Variants in APEH observed in about 807,000 individuals in gnomAD.
APEH encodes acylamino-acid-releasing enzyme.
In APEH, 75 loss-of-function variants were observed where a neutral mutation model predicts 102.7. The observed-to-expected ratio is 0.73, with a 90% CI of 0.61 to 0.89. The LOEUF is 0.89. Ranked by LOEUF, APEH falls within the 40% of genes least tolerant of loss-of-function variation. The probability of loss-of-function intolerance (pLI) is 0.00; values close to 1 mark genes in which losing one functional copy is unlikely to be tolerated. For synonymous variants in APEH, 344 were observed against 362.7 expected (o/e 0.95, Z 0.59); for missense variants, 863 against 941.2 (o/e 0.92, Z 1.09).
At position 49,683,687 on chromosome 3, in the gene APEH, C is replaced by T. The variant is rs2053460580; in HGVS notation, c.*345C>T. On this transcript the variant is annotated 3_prime_UTR_variant, in exon 22 of 22. Coordinates refer to ENST00000296456, the MANE Select transcript of APEH (RefSeq NM_001640.4). ...CCTGGCAACCAGGACTCTGTACCAG[C>T]CTAGCTTCCCTGCTGCAGCCCCTTC... 6 of 457,574 alleles carry T rather than the reference C, an allele frequency of 1.3e-5. No individual in the cohort carries two copies. Among genetic ancestry groups the T allele is most frequent in the Non-Finnish European group, 2.4e-5 (6 of 252,014 alleles). The allele number at this position is 457,574 out of a possible 1,614,324, so 28.3% of individuals were successfully genotyped here.
chr3:49,681,781 G>T lies in APEH; in HGVS notation c.1498G>T (p.Val500Leu). The change falls in exon 16 of 22, where the codon GTG (valine) becomes TTG (leucine). Residue 500 changes from valine to leucine, a missense_variant. Coordinates refer to ENST00000296456, the MANE Select transcript of APEH (RefSeq NM_001640.4). Reference sequence around the variant, plus strand: ...TGGCAGCCCTCCAGATAAGACCCAAGTGCCCATGGTGGTCATGCCCCACGG... The same window carrying T: ...TGGCAGCCCTCCAGATAAGACCCAATTGCCCATGGTGGTCATGCCCCACGG... ...QPGSPPDKTQ[V>L]PMVVMPHGGP... The T allele has an allele frequency of 6.2e-7, 1 of 1,611,232 alleles. No individual in the cohort carries two copies. The highest frequency in any genetic ancestry group is 8.5e-7 in the Non-Finnish European group (1 of 1,178,152).
chr3:49,676,120 G>C lies in APEH; in HGVS notation c.507G>C (p.Lys169Asn). 13 of 1,614,236 alleles carry C rather than the reference G, an allele frequency of 8.1e-6. No individual in the cohort carries two copies. Among genetic ancestry groups the C allele is most frequent in the Non-Finnish European group, 1.0e-5 (12 of 1,180,042 alleles). The change falls in exon 6 of 22, where the codon AAG (lysine) becomes AAC (asparagine). Residue 169 changes from lysine (K) to asparagine (N), a missense_variant. Lys to Asn is a moderately conservative substitution (Grantham distance 94, BLOSUM62 0). Coordinates refer to ENST00000296456, the MANE Select transcript of APEH (RefSeq NM_001640.4). Reference sequence around the variant, plus strand: ...ACTTGTTGTATGTGGCAGAGAAGAAGCGCCCCAAGGCCGAGTCCTTCTTTC... The same window carrying C: ...ACTTGTTGTATGTGGCAGAGAAGAACCGCCCCAAGGCCGAGTCCTTCTTTC... Reference protein sequence around the residue: ...ETHLLYVAEKKRPKAESFFQT... With the variant: ...ETHLLYVAEKNRPKAESFFQT...
At chr3:49,675,431 C>A in intron 3 of APEH, 122 bp downstream of exon 3, 2 of 1,400,500 alleles carry the variant, frequency 1.4e-6, no homozygotes, top group South Asian at 1.4e-5. Flanking sequence ...CCCTTGGGAG[C>A]TCATTCAGTT....
chr3:49,676,447 G>T lies in APEH; in HGVS notation c.676G>T (p.Val226Leu). Residue 226 changes from valine to leucine, a missense_variant, in exon 7 of 22, where the codon GTG becomes TTG. Transcript: ENST00000296456. ...MVSKSIPVLC[V>L]LDVESGNISV... ...TTCCAAAAGCATCCCTGTGCTCTGC[G>T]TGCTGGATGTCGAGAGTGGCAACAT... The T allele has an allele frequency of 6.2e-7, 1 of 1,614,234 alleles. No homozygotes were observed. The highest frequency in any genetic ancestry group is 1.1e-5 in the South Asian group (1 of 91,088).
Position 49,683,827 on chromosome 3 carries a change from T to G in APEH, c.*485T>G. On this transcript the variant is annotated 3_prime_UTR_variant, in exon 22 of 22. Transcript: ENST00000296456. ...AGTAGTCCCAGGGACATTGCCTTGG[T>G]TGGGGAAGCCCCTAGGCTGGACAGA... The G allele has an allele frequency of 1.3e-6, 1 of 751,654 alleles. No homozygotes were observed. Among genetic ancestry groups the G allele is most frequent in the Non-Finnish European group, 2.1e-6 (1 of 475,200 alleles). The allele number at this position is 751,654 out of a possible 1,614,324, so 46.6% of individuals were successfully genotyped here.
chr3:49,674,497 G>T lies in APEH; in HGVS notation c.21G>T (p.Leu7=). The part of the protein sequence containing the change: MERQVL[L]SEPEEAAALY... Reference sequence around the variant, plus strand: ...GTGTGTCCCCTGCGCAGGTGCTGCTGAGCGAGCCCGAGGAGGCGGCGGCTC... The same window carrying T: ...GTGTGTCCCCTGCGCAGGTGCTGCTTAGCGAGCCCGAGGAGGCGGCGGCTC... The change falls in exon 2 of 22, where the codon CTG becomes CTT. Residue 7 remains leucine, a synonymous_variant. Coordinates refer to ENST00000296456, the MANE Select transcript of APEH (RefSeq NM_001640.4). 6.4e-7 allele frequency: 1 copy of T among 1,569,174 alleles called. No homozygotes were observed.
intron 3 of APEH, 150 bp from the exon 4 acceptor site, chr3:49,675,544 C>T: frequency 5.1e-6 from 5 of 975,906 alleles, no homozygotes; most frequent in South Asian, 3.1e-5. Flanking sequence ...GTCTCTGCCT[C>T]AGGGAGGAAA....
intron 17 of APEH, 69 bp from the exon 18 acceptor site, chr3:49,682,279 T>C: frequency 1.4e-6 from 2 of 1,441,146 alleles, no homozygotes; most frequent in Non-Finnish European, 1.9e-6. Flanking sequence ...TTCACAGATG[T>C]GTGAAAAGAG....
At chr3:49,678,831 T>C (rs2108122830) in intron 11 of APEH, 21 bp from the exon 12 acceptor site, 1 of 1,592,770 alleles carries the variant, frequency 6.3e-7, no homozygotes, top group Admixed American at 1.7e-5. Context: ...GGATGCAGCC[T>C]CAGCCCTCCT....
chr3:49,683,453 G>C lies in APEH; in HGVS notation c.*111G>C. On this transcript the variant is annotated 3_prime_UTR_variant, in exon 22 of 22. Coordinates refer to ENST00000296456, the MANE Select transcript of APEH (RefSeq NM_001640.4). ...TTTCTGGGCTCTGGACTCCACGGAT[G>C]CGTGGGCAGAGGAATGTGGGCTATG... 1 of 896,636 alleles carries C rather than the reference G, an allele frequency of 1.1e-6. No individual in the cohort carries two copies. Among genetic ancestry groups the C allele is most frequent in the Admixed American group, 1.9e-5 (1 of 52,520 alleles). The allele number at this position is 896,636 out of a possible 1,614,324, so 55.5% of individuals were successfully genotyped here.
rs1414982334 is a variant in APEH, at chr3:49,683,518, G to C, written c.*176G>C. The C allele has an allele frequency of 1.6e-6, 1 of 618,480 alleles. No individual in the cohort carries two copies. Among genetic ancestry groups the C allele is most frequent in the African/African-American group, 1.8e-5 (1 of 54,366 alleles). The allele number at this position is 618,480 out of a possible 1,614,324, so 38.3% of individuals were successfully genotyped here. A position where few individuals can be genotyped will look rare whatever the true frequency, so the allele number is the denominator to read the frequency against. On this transcript the variant is annotated 3_prime_UTR_variant, in exon 22 of 22. Transcript: ENST00000296456. ...TAGGACACAGAGCCTGGTTCCTGCT[G>C]GTACTTTGTACCAAACCATCCCCAA...
rs1361495309 is a variant in APEH at position 49,678,870 on chromosome 3, A to G, written c.1079A>G (p.Tyr360Cys). 3 of 1,613,622 alleles carry G rather than the reference A, an allele frequency of 1.9e-6. No individual in the cohort carries two copies. Among genetic ancestry groups the G allele is most frequent in the East Asian group, 2.2e-5 (1 of 44,858 alleles). Residue 360 changes from tyrosine to cysteine, a missense_variant, in exon 12 of 22, where the codon TAC (tyrosine) becomes TGC (cysteine). Coordinates refer to ENST00000296456, the MANE Select transcript of APEH (RefSeq NM_001640.4). ...TTTACAGAGAACTTCTCTGGGATCTACTGCAGCCTTCTGCCTTTGGGATGC... is the reference window on the plus strand; with the variant it reads ...TTTACAGAGAACTTCTCTGGGATCTGCTGCAGCCTTCTGCCTTTGGGATGC... Reference protein sequence around the residue: ...RQLGENFSGIYCSLLPLGCWS... With the variant: ...RQLGENFSGICCSLLPLGCWS...
chr3:49,677,628 T>C lies in APEH; in HGVS notation c.1055T>C (p.Leu352Pro), dbSNP rs1355162503. The C allele has an allele frequency of 6.2e-7, 1 of 1,613,518 alleles. No homozygotes were observed. The highest frequency in any genetic ancestry group is 1.7e-5 in the Admixed American group (1 of 59,998). The stretch of plus-strand genomic sequence containing the variant: ...GTGGTAGATGTTGTGCCTCGGCAGC[T>C]GGGAGGTAAGGCATACCTGGCTGGG... The part of the protein sequence containing the change: ...SVVVDVVPRQ[L>P]GENFSGIYCS... The change falls in exon 11 of 22, where the codon CTG becomes CCG. Residue 352 changes from leucine (L) to proline (P), a missense_variant. Leu to Pro is a moderately conservative substitution (Grantham distance 98). Transcript: ENST00000296456.
At position 49,677,610 on chromosome 3, in the gene APEH, ATGT is replaced by A. The variant is rs769786627; in HGVS notation, c.1041_1043del (p.Val348del). ...ACCAAGGTTACCTCAGTGGTGGTAGATGTTGTGCCTCGGCAGCTGGGAGGTAAG... is the reference window on the plus strand; with the variant it reads ...ACCAAGGTTACCTCAGTGGTGGTAGATGTGCCTCGGCAGCTGGGAGGTAAG... On this transcript the variant is annotated inframe_deletion, in exon 11 of 22. Transcript: ENST00000296456. 6.4e-5 allele frequency: 103 copies of A among 1,613,778 alleles called. No homozygotes were observed. The highest frequency in any genetic ancestry group is 8.3e-5 in the Non-Finnish European group (98 of 1,179,878).
chr3:49,677,166 C>A, intron 10 of APEH, 142 bp downstream of exon 10: 1 of 1,264,626 alleles, frequency 7.9e-7, no homozygotes, highest in Non-Finnish European at 1.1e-6. Context: ...GTGAGTTCTG[C>A]CTGTCCTCTC....
At position 49,674,699 on chromosome 3, in the gene APEH, T is replaced by A. The variant is rs955560220; in HGVS notation, c.145+78T>A. The A allele has an allele frequency of 3.8e-5, 58 of 1,534,038 alleles. 1 individual carries two copies. In the African/African-American group the frequency reaches 6.2e-4, roughly 16 times the overall value. On this transcript the variant is annotated intron_variant, in intron 2 of 21. Coordinates refer to ENST00000296456, the MANE Select transcript of APEH (RefSeq NM_001640.4). ...AAGGAAGGGGGTGTGGAGGGCTCGC[T>A]GCTTGACAGTGCGTAAGGGTATATA... is the stretch of plus-strand genomic sequence containing the variant.
chr3:49,673,403 G>C (rs1252753383), upstream of APEH, among the ~76,000 whole-genome samples: 1 of 152,098 alleles, frequency 6.6e-6, no homozygotes, highest in Admixed American at 6.6e-5. Flanking sequence ...TGGAGTCTGA[G>C]CCCACCAGGC....
At chr3:49,681,556 C>T (rs1163837190) in intron 15 of APEH, among the ~76,000 whole-genome samples, 166 bp from the exon 16 acceptor site, 4 of 152,232 alleles carry the variant, frequency 2.6e-5, no homozygotes, top group East Asian at 1.9e-4. Flanking sequence ...GGTTCCCTGA[C>T]GAGGGCAGAA....
chr3:49,675,933 G>A lies in APEH; in HGVS notation c.409G>A (p.Ala137Thr), dbSNP rs1292438287. The A allele has an allele frequency of 6.2e-7, 1 of 1,614,098 alleles. No individual in the cohort carries two copies. Among genetic ancestry groups the A allele is most frequent in the Non-Finnish European group, 8.5e-7 (1 of 1,180,042 alleles). ...GAAGCTCAAGAGCTTCAACCTGTCAGCGCTGGAGAAACATGGGCCTGTTTA... is the reference window on the plus strand; with the variant it reads ...GAAGCTCAAGAGCTTCAACCTGTCAACGCTGGAGAAACATGGGCCTGTTTA... The part of the protein sequence containing the change: ...NRKLKSFNLS[A>T]LEKHGPVYED... Residue 137 changes from alanine (A) to threonine (T), a missense_variant, in exon 5 of 22, where the codon GCG becomes ACG. Physicochemically the swap from Ala to Thr is moderately conservative, Grantham distance 58 (BLOSUM62 0). Transcript: ENST00000296456.
Sources: gnomAD v4.1 joint callset for allele counts (sites outside exome capture counted in the v4.1 genomes callset) on GRCh38, gnomAD v4.1.1 for gene constraint, MANE v1.5 for transcripts, NCBI Gene and HGNC (gene_info 2026-07-23, HGNC 2026-07-21) for gene names.